MTRF1: variants seen among roughly 807,000 people sequenced by gnomAD.
The protein encoded by MTRF1 is peptide chain release factor 1, mitochondrial.
A neutral mutation model predicts 62.9 loss-of-function variants in MTRF1; 51 were observed. The ratio of observed to expected loss-of-function variants is 0.81; its 90% CI spans 0.65 to 1.02. MTRF1 has a LOEUF of 1.02. MTRF1 is among the 50% of genes least tolerant of loss of function. The pLI, the probability that MTRF1 is intolerant of heterozygous loss-of-function variation, is 0.00. For missense variants in MTRF1, 446 were observed against 530.0 expected, an observed-to-expected ratio of 0.84 and a Z score of 1.56; for synonymous variants, 158 against 181.9, an observed-to-expected ratio of 0.87 and a Z score of 1.06.
the MTRF1 span, among the ~76,000 whole-genome samples, chr13:41,275,801 G>A: frequency 7.2e-5 from 11 of 152,068 alleles, no homozygotes; most frequent in Non-Finnish European, 1.6e-4. Flanking sequence ...CCTAAGAACA[G>A]TTTTTATATT....
chr13:41,274,330 C>T, the MTRF1 span, among the ~76,000 whole-genome samples: 4 of 152,220 alleles, frequency 2.6e-5, no homozygotes, highest in South Asian at 2.1e-4. Context: ...TGTTTCAGCT[C>T]GAGGATGACT....
chr13:41,269,400 A>G, the MTRF1 span, among the ~76,000 whole-genome samples: 1 of 151,574 alleles, frequency 6.6e-6, no homozygotes, highest in Non-Finnish European at 1.5e-5. Context: ...GGGTTTCACC[A>G]TGTTGGCCAG....
intron 1 of MTRF1, chr13:41,262,201 G>C (rs1484236392): frequency 1.3e-5 from 2 of 151,884 alleles, no homozygotes; most frequent in Admixed American, 1.3e-4. Flanking sequence ...TTAGCTGAGC[G>C]TGATGGCACA....
chr13:41,229,634 C>T (rs1396483510), intron 7 of MTRF1: 1 of 152,126 alleles, frequency 6.6e-6, no homozygotes, highest in Non-Finnish European at 1.5e-5. Context: ...GTTTTGATCA[C>T]CTTTTACCCA....
At chr13:41,292,873 C>T in the MTRF1 span, among the ~76,000 whole-genome samples, 1 of 152,014 alleles carries the variant, frequency 6.6e-6, no homozygotes, top group African/African-American at 2.4e-5. Flanking sequence ...TAGTTCAGGG[C>T]TGCAGTGAAC....
chr13:41,308,352 T>C, the MTRF1 span, among the ~76,000 whole-genome samples: 31 of 152,338 alleles, frequency 2.0e-4, no homozygotes, highest in Non-Finnish European at 4.1e-4. Context: ...GTCCATGTCC[T>C]ATGAGGGTCA....
chr13:41,306,871 T>C, the MTRF1 span, among the ~76,000 whole-genome samples: 4 of 152,242 alleles, frequency 2.6e-5, no homozygotes, highest in East Asian at 7.7e-4. Flanking sequence ...TATTTGTTTT[T>C]TATCACAGGC....
chr13:41,223,887 C>G (rs2033887261), intron 8 of MTRF1, among the ~76,000 whole-genome samples: 1 of 152,158 alleles, frequency 6.6e-6, no homozygotes, highest in Non-Finnish European at 1.5e-5. Flanking sequence ...CTTTCACCTA[C>G]AATTCTGCAA....
At chr13:41,224,794 A>G (rs1209350187) in intron 8 of MTRF1, among the ~76,000 whole-genome samples, 2 of 152,214 alleles carry the variant, frequency 1.3e-5, no homozygotes, top group Non-Finnish European at 2.9e-5. Context: ...CCCTATTAAA[A>G]CATTTCAGGT....
chr13:41,256,948 A>C (rs2039809399), intron 2 of MTRF1, among the ~76,000 whole-genome samples: 1 of 152,186 alleles, frequency 6.6e-6, no homozygotes, highest in African/African-American at 2.4e-5. Flanking sequence ...TGAGGTTAAG[A>C]CAGTTACATA....
chr13:41,297,648 T>C, the MTRF1 span, among the ~76,000 whole-genome samples: 1 of 151,814 alleles, frequency 6.6e-6, no homozygotes, highest in Non-Finnish European at 1.5e-5. Flanking sequence ...CTATCTTGGC[T>C]CACCACAACC....
At chr13:41,269,146 T>A in the MTRF1 span, among the ~76,000 whole-genome samples, 70 of 150,784 alleles carry the variant, frequency 4.6e-4, no homozygotes, top group African/African-American at 1.4e-3. Flanking sequence ...TTTTATAACT[T>A]CCTTTACATC....
At chr13:41,219,947 G>A (rs2032877888) in intron 9 of MTRF1, among the ~76,000 whole-genome samples, 2 of 135,344 alleles carry the variant, frequency 1.5e-5, no homozygotes, top group South Asian at 4.9e-4. Context: ...GTAGCGAGCT[G>A]AGATCACACC....
intron 2 of MTRF1, among the ~76,000 whole-genome samples, chr13:41,255,345 T>C (rs2039567142): frequency 6.6e-6 from 1 of 152,132 alleles, no homozygotes; most frequent in Admixed American, 6.6e-5. Flanking sequence ...GCCTCCCAGG[T>C]AGCTGAGATT....
chr13:41,311,339 C>T, the MTRF1 span: 1 of 602,138 alleles, frequency 1.7e-6, no homozygotes, highest in Non-Finnish European at 2.9e-6. Flanking sequence ...CCTGCTCAGA[C>T]CGCCTTCCTT....
chr13:41,269,531 AG>A, the MTRF1 span, among the ~76,000 whole-genome samples: 1 of 143,244 alleles, frequency 7.0e-6, no homozygotes, highest in Admixed American at 7.3e-5. Context: ...CCTTTAAATA[AG>A]CTTTCAATTA....
At chr13:41,253,644 T>C (rs1480358640) in intron 3 of MTRF1, among the ~76,000 whole-genome samples, 1 of 152,174 alleles carries the variant, frequency 6.6e-6, no homozygotes, top group Non-Finnish European at 1.5e-5. Flanking sequence ...AAAAGGTTTT[T>C]CAAATCAAAG....
chr13:41,238,005 G>A (rs1645793772), intron 6 of MTRF1, among the ~76,000 whole-genome samples: 1 of 152,214 alleles, frequency 6.6e-6, no homozygotes, highest in Non-Finnish European at 1.5e-5. Context: ...AAGAAGTTGA[G>A]GGGTGACAAA....
At chr13:41,272,803 G>A in the MTRF1 span, among the ~76,000 whole-genome samples, 15 of 152,180 alleles carry the variant, frequency 9.9e-5, no homozygotes, top group African/African-American at 2.9e-4. Flanking sequence ...CATGGAAGCA[G>A]AAAATTTTGC....
Sources: gnomAD v4.1 joint callset for allele counts (sites outside exome capture counted in the v4.1 genomes callset) on GRCh38, gnomAD v4.1.1 for gene constraint, MANE v1.5 for transcripts, NCBI Gene and HGNC (gene_info 2026-07-23, HGNC 2026-07-21) for gene names.